Variants in C17orf67 observed in about 807,000 individuals in gnomAD.
C17orf67 encodes uncharacterized protein C17orf67.
A neutral mutation model predicts 11.2 loss-of-function variants in C17orf67; 12 were observed. The ratio of observed to expected loss-of-function variants is 1.07; its 90% CI spans 0.68 to 1.73. The LOEUF (loss-of-function observed/expected upper bound fraction) is 1.73, where lower values mean the gene tolerates loss of function less well. Ranked by LOEUF, C17orf67 falls within the 40% of genes most tolerant of loss-of-function variation. The pLI is 0.00. For missense variants in C17orf67, 115 were observed against 113.5 expected, an observed-to-expected ratio of 1.01 and a Z score of -0.06; for synonymous variants, 59 against 46.9, an observed-to-expected ratio of 1.26 and a Z score of -1.05.
At chr17:56,794,458 G>A (rs1465181429) in intron 7 of C17orf67, among the ~76,000 whole-genome samples, 1 of 152,030 alleles carries the variant, frequency 6.6e-6, no homozygotes, top group Non-Finnish European at 1.5e-5. Context: ...GCCTCATCTA[G>A]GCACAGAGGT....
At chr17:56,817,654 T>C (rs1905792558) in intron 4 of C17orf67, among the ~76,000 whole-genome samples, 1 of 151,826 alleles carries the variant, frequency 6.6e-6, no homozygotes, top group African/African-American at 2.4e-5. Flanking sequence ...AGGGGCTCAC[T>C]ATGTTAGCCA....
Position 56,810,649 on chromosome 17 carries a change from G to C in C17orf67, c.156+4220C>G, listed in dbSNP as rs548645150. On this transcript the variant is annotated intron_variant, in intron 6 of 7. Transcript: ENST00000397861. Reference sequence around the variant, plus strand: ...AAGAGCCAGAAGGGCTGGCTCCCAGGAGGCAAAGGCCTTAGCCTCTGAACT... The same window carrying C: ...AAGAGCCAGAAGGGCTGGCTCCCAGCAGGCAAAGGCCTTAGCCTCTGAACT... Among the ~76,000 whole-genome samples the C allele has an allele frequency of 7.2e-5, 11 of 152,338 alleles. No homozygotes were observed. The South Asian group carries it at 2.3e-3, about 32-fold the overall frequency.
intron 2 of C17orf67, among the ~76,000 whole-genome samples, chr17:56,832,062 C>T (rs899300538): frequency 1.1e-4 from 16 of 152,242 alleles, no homozygotes; most frequent in African/African-American, 3.6e-4. Flanking sequence ...TTCTCTGCCT[C>T]AAGCCTCCCA....
At chr17:56,809,427 G>C (rs765069579) in intron 6 of C17orf67, among the ~76,000 whole-genome samples, 14 of 151,934 alleles carry the variant, frequency 9.2e-5, no homozygotes, top group Admixed American at 4.6e-4. Flanking sequence ...GGCGAAAGTA[G>C]AAGAGGGGGC....
At chr17:56,803,434 T>G (rs1905373129) in intron 6 of C17orf67, among the ~76,000 whole-genome samples, 1 of 152,236 alleles carries the variant, frequency 6.6e-6, no homozygotes, top group African/African-American at 2.4e-5. Context: ...TGATACACAG[T>G]ACCTTTTATA....
intron 6 of C17orf67, among the ~76,000 whole-genome samples, chr17:56,807,902 A>T (rs942705360): frequency 5.8e-5 from 5 of 85,730 alleles, no homozygotes; most frequent in South Asian, 3.8e-4. Flanking sequence ...AAATAAATAA[A>T]TAATAAATAA....
At chr17:56,829,243 T>A (rs946099761) in intron 2 of C17orf67, among the ~76,000 whole-genome samples, 5 of 151,652 alleles carry the variant, frequency 3.3e-5, no homozygotes, top group South Asian at 2.1e-4. Context: ...ACCATTACAC[T>A]CCAGCCTGGG....
chr17:56,814,431 C>T (rs917541953), intron 6 of C17orf67, among the ~76,000 whole-genome samples: 2 of 152,138 alleles, frequency 1.3e-5, no homozygotes, highest in Admixed American at 1.3e-4. Context: ...GGGATGAGAT[C>T]AGAGCAGAAC....
At chr17:56,800,058 ATTT>A (rs772880968) in intron 6 of C17orf67, among the ~76,000 whole-genome samples, 1 of 96,280 alleles carries the variant, frequency 1.0e-5, no homozygotes, top group African/African-American at 4.3e-5. Flanking sequence ...TTGCAAACTA[ATTT>A]TTTTTTTTTT....
Position 56,815,917 on chromosome 17 carries a change from G to A in C17orf67, c.-107C>T, listed in dbSNP as rs74490664. Reference sequence around the variant, plus strand: ...TGCGCTTGTTTATGCTTTGACTAACGGGACTTACGGTATGATGCTGAATGT... The same window carrying A: ...TGCGCTTGTTTATGCTTTGACTAACAGGACTTACGGTATGATGCTGAATGT... On this transcript the variant is annotated 5_prime_UTR_variant, in exon 5 of 8. Coordinates refer to ENST00000397861, the MANE Select transcript of C17orf67 (RefSeq NM_001085430.4). 9.3e-4 allele frequency: 1,470 copies of A among 1,581,044 alleles called. 33 individuals are homozygous for A. In the East Asian group the frequency reaches 0.031, roughly 33 times the overall value.
chr17:56,830,468 A>G (rs1367282393), intron 2 of C17orf67, among the ~76,000 whole-genome samples: 3 of 152,242 alleles, frequency 2.0e-5, no homozygotes, highest in Non-Finnish European at 2.9e-5. Context: ...TATTTTTCAA[A>G]AAACAAAATT....
intron 6 of C17orf67, among the ~76,000 whole-genome samples, chr17:56,798,354 C>T (rs1421120523): frequency 1.3e-5 from 2 of 152,082 alleles, no homozygotes; most frequent in African/African-American, 4.8e-5. Flanking sequence ...TTTAGGTTCA[C>T]AGCAAAATTG....
chr17:56,795,010 C>G, intron 7 of C17orf67, 34 bp downstream of exon 7: 5 of 1,485,796 alleles, frequency 3.4e-6, no homozygotes, highest in Non-Finnish European at 4.7e-6. Flanking sequence ...ACCACTCCCT[C>G]AGACAGAGGT....
At chr17:56,814,848 C>A (rs1350208978) in intron 6 of C17orf67, 21 bp downstream of exon 6, 2 of 1,608,528 alleles carry the variant, frequency 1.2e-6, no homozygotes, top group African/African-American at 2.7e-5. Context: ...TTCTTTAAAA[C>A]TGCCAGAGCA....
At chr17:56,800,030 T>C (rs1027058103) in intron 6 of C17orf67, among the ~76,000 whole-genome samples, 1 of 148,902 alleles carries the variant, frequency 6.7e-6, no homozygotes, top group Non-Finnish European at 1.5e-5. Context: ...AAATCCCTCT[T>C]GATTTTTCTG....
chr17:56,820,492 G>A (rs953224193), intron 4 of C17orf67, among the ~76,000 whole-genome samples: 5 of 152,046 alleles, frequency 3.3e-5, no homozygotes, highest in South Asian at 4.1e-4. Context: ...TGAACATAAC[G>A]TGCACAGCTT....
intron 6 of C17orf67, among the ~76,000 whole-genome samples, chr17:56,801,402 CTAAGTTTT>C (rs1283686964): frequency 2.6e-5 from 4 of 152,130 alleles, no homozygotes; most frequent in Non-Finnish European, 4.4e-5. Context: ...CTATAGAACT[CTAAGTTTT>C]TAAGTTTTTA....
intron 2 of C17orf67, among the ~76,000 whole-genome samples, chr17:56,828,061 T>C: frequency 7.3e-6 from 1 of 136,992 alleles, no homozygotes; most frequent in Non-Finnish European, 1.5e-5. Flanking sequence ...AAAAATTAGC[T>C]CAGTGTACCC....
chr17:56,823,889 T>A (rs899790038), intron 4 of C17orf67, among the ~76,000 whole-genome samples: 1 of 151,958 alleles, frequency 6.6e-6, no homozygotes, highest in Non-Finnish European at 1.5e-5. Flanking sequence ...TAAAAAAAAA[T>A]GAGCTATCAG....
Sources: allele counts gnomAD v4.1 joint callset (sites outside exome capture counted in the v4.1 genomes callset), GRCh38; gene constraint gnomAD v4.1.1; transcripts MANE v1.5; gene names NCBI Gene and HGNC (gene_info 2026-07-23, HGNC 2026-07-21).